TBC1D8: variants seen among roughly 807,000 people sequenced by gnomAD.
TBC1D8 encodes the protein TBC1 domain family member 8, also known as BUB2-like protein 1.
In TBC1D8, 65 loss-of-function variants were observed where a neutral mutation model predicts 118.8. That is an observed-to-expected ratio of 0.55 (90% confidence interval 0.45 to 0.67). The LOEUF (loss-of-function observed/expected upper bound fraction) is 0.67. TBC1D8 is among the 30% of genes least tolerant of loss of function. The pLI, the probability that TBC1D8 is intolerant of heterozygous loss-of-function variation, is 0.00. For missense variants in TBC1D8, 1,376 were observed against 1,471.2 expected (o/e 0.94, Z 1.06); for synonymous variants, 566 against 595.8 (o/e 0.95, Z 0.73).
In TBC1D8 at chr2:101,011,040, A is replaced by AAAAC; in HGVS notation, c.2918-18_2918-15dup. 3.1e-6 allele frequency: 5 copies of AAAAC among 1,607,546 alleles called. No homozygotes were observed. Among genetic ancestry groups the AAAAC allele is most frequent in the Non-Finnish European group, 4.2e-6 (5 of 1,177,168 alleles). On this transcript the variant is annotated splice_polypyrimidine_tract_variant and intron_variant, in intron 18 of 19. Transcript: ENST00000409318. ...CAACTGCATCACCTTGAAACAAAGG[A>AAAAC]AAACAATATGTGGTTTAATTTAAAT...
intron 1 of TBC1D8, among the ~76,000 whole-genome samples, chr2:101,131,802 G>A (rs7594025): frequency 0.16 from 24,078 of 151,922 alleles, 1,976 homozygotes; most frequent in African/African-American, 0.2. Context: ...GCGACAGAGC[G>A]AGACTCTGTC....
chr2:101,137,515 T>C (rs1247226213), intron 1 of TBC1D8, among the ~76,000 whole-genome samples: 1 of 152,100 alleles, frequency 6.6e-6, no homozygotes, highest in Non-Finnish European at 1.5e-5. Flanking sequence ...GGTTTCACCG[T>C]GTTAGCTAGG....
At chr2:101,061,264 T>G (rs1008846529) in intron 2 of TBC1D8, among the ~76,000 whole-genome samples, 1 of 150,446 alleles carries the variant, frequency 6.6e-6, no homozygotes, top group East Asian at 2.0e-4. Flanking sequence ...ATGTGCAGCC[T>G]TCCTCTCCCT....
intron 2 of TBC1D8, among the ~76,000 whole-genome samples, chr2:101,059,775 T>C (rs928130968): frequency 3.3e-5 from 5 of 152,044 alleles, no homozygotes; most frequent in African/African-American, 1.2e-4. Context: ...CTGTCTCTAC[T>C]AAAAATGCAA....
intron 2 of TBC1D8, among the ~76,000 whole-genome samples, chr2:101,059,827 T>G (rs905838713): frequency 9.3e-4 from 142 of 152,228 alleles, no homozygotes; most frequent in African/African-American, 3.3e-3. Flanking sequence ...TAGTCCCAGC[T>G]ACTCGGGAGG....
intron 5 of TBC1D8, among the ~76,000 whole-genome samples, chr2:101,046,679 A>G (rs1681725319): frequency 6.6e-6 from 1 of 151,486 alleles, no homozygotes; most frequent in African/African-American, 2.4e-5. Context: ...GAAAAGGGAG[A>G]GTGGGGGGAG....
intron 1 of TBC1D8, among the ~76,000 whole-genome samples, chr2:101,091,732 A>C (rs1676050141): frequency 6.6e-6 from 1 of 152,190 alleles, no homozygotes; most frequent in Non-Finnish European, 1.5e-5. Context: ...TTTCAAAAAA[A>C]AAGGCATCCT....
intron 6 of TBC1D8, among the ~76,000 whole-genome samples, chr2:101,038,942 C>T (rs1258805324): frequency 4.6e-5 from 7 of 152,248 alleles, no homozygotes; most frequent in African/African-American, 7.2e-5. Flanking sequence ...GGATGAGCCC[C>T]GAGGGCATTA....
intron 4 of TBC1D8, among the ~76,000 whole-genome samples, chr2:101,051,977 T>C (rs1482429776): frequency 3.3e-5 from 5 of 152,268 alleles, no homozygotes; most frequent in Admixed American, 6.5e-5. Flanking sequence ...CTTCCCAAGC[T>C]GCTGGCTACT....
chr2:101,014,873 C>T (rs748920045), intron 17 of TBC1D8, among the ~76,000 whole-genome samples: 3 of 152,188 alleles, frequency 2.0e-5, no homozygotes, highest in African/African-American at 7.2e-5. Context: ...GTCACATGCT[C>T]TCTATCTTTG....
intron 10 of TBC1D8, 96 bp downstream of exon 10, chr2:101,033,448 A>C: frequency 6.8e-7 from 1 of 1,463,408 alleles, no homozygotes; most frequent in Non-Finnish European, 9.5e-7. Context: ...GACAACACTC[A>C]GGACCAGATG....
chr2:101,136,848 A>G (rs897606003), intron 1 of TBC1D8, among the ~76,000 whole-genome samples: 1 of 152,200 alleles, frequency 6.6e-6, no homozygotes, highest in African/African-American at 2.4e-5. Flanking sequence ...CAAAACAGCA[A>G]TATAACAGAT....
At chr2:101,011,627 C>A in intron 17 of TBC1D8, 87 bp from the exon 18 acceptor site, 2 of 1,405,212 alleles carry the variant, frequency 1.4e-6, no homozygotes, top group South Asian at 1.2e-5. Flanking sequence ...CAACTAAAGG[C>A]TAAGCCAGCA....
In TBC1D8 at chr2:101,050,438, C is replaced by G. The variant is rs376781065; in HGVS notation, c.835G>C (p.Asp279His). ...RLLDNEVFDL[D>H]PDLQEPSQIT... The stretch of plus-strand genomic sequence containing the variant: ...TGGCTCGGCTCCTGCAGATCGGGGT[C>G]GAGGTCAAAGACCTCATTATCCAGC... Residue 279 changes from aspartate (D) to histidine (H), a missense_variant, in exon 5 of 20, where the codon GAC (aspartate) becomes CAC (histidine). Transcript: ENST00000409318. 2 of 1,613,654 alleles carry G rather than the reference C, an allele frequency of 1.2e-6. No homozygotes were observed. The highest frequency in any genetic ancestry group is 2.2e-5 in the South Asian group (2 of 91,046).
At chr2:101,148,883 T>C (rs541249555) in intron 1 of TBC1D8, among the ~76,000 whole-genome samples, 3 of 152,214 alleles carry the variant, frequency 2.0e-5, no homozygotes, top group African/African-American at 7.2e-5. Context: ...ACATTAGAAT[T>C]GCACATTTTC....
intron 1 of TBC1D8, among the ~76,000 whole-genome samples, chr2:101,144,742 G>A (rs1679252358): frequency 6.6e-6 from 1 of 152,124 alleles, no homozygotes; most frequent in South Asian, 2.1e-4. Context: ...TTCGAGACAA[G>A]CCTGGGCAAC....
At chr2:101,081,152 T>C (rs1055711719) in intron 2 of TBC1D8, among the ~76,000 whole-genome samples, 1 of 152,200 alleles carries the variant, frequency 6.6e-6, no homozygotes, top group African/African-American at 2.4e-5. Context: ...TCTTTAACAT[T>C]TCAAAAGGAT....
chr2:101,034,810 C>T (rs977301072), intron 9 of TBC1D8, among the ~76,000 whole-genome samples: 1 of 152,130 alleles, frequency 6.6e-6, no homozygotes, highest in African/African-American at 2.4e-5. Flanking sequence ...TTTTTATATA[C>T]AAAAATACAG....
chr2:101,144,032 G>A (rs1276126474), intron 1 of TBC1D8, among the ~76,000 whole-genome samples: 1 of 152,200 alleles, frequency 6.6e-6, no homozygotes, highest in Non-Finnish European at 1.5e-5. Context: ...CAACTGCACA[G>A]GCTCACATCT....
Sources: allele counts gnomAD v4.1 joint callset (sites outside exome capture counted in the v4.1 genomes callset), GRCh38; gene constraint gnomAD v4.1.1; transcripts MANE v1.5; gene names NCBI Gene and HGNC (gene_info 2026-07-23, HGNC 2026-07-21).